Variants in P4HA1 observed in about 807,000 individuals in gnomAD.
P4HA1 encodes prolyl 4-hydroxylase subunit alpha-1.
In P4HA1, 24 loss-of-function variants were observed where a neutral mutation model predicts 72.8. The observed-to-expected ratio is 0.33, with a 90% CI of 0.24 to 0.46. P4HA1 has a LOEUF of 0.46. Ranked by LOEUF, P4HA1 falls within the 20% of genes least tolerant of loss-of-function variation. The probability of loss-of-function intolerance (pLI) is 1.00; values close to 1 mark genes in which losing one functional copy is unlikely to be tolerated. For synonymous variants in P4HA1, 201 were observed against 218.8 expected (o/e 0.92, Z 0.72); for missense variants, 446 against 640.6 (o/e 0.70, Z 3.28).
chr10:73,086,502 A>G (rs1841925516), intron 1 of P4HA1, among the ~76,000 whole-genome samples: 2 of 152,214 alleles, frequency 1.3e-5, no homozygotes, highest in African/African-American at 4.8e-5. Flanking sequence ...TTCTTTTTGG[A>G]GTGATATAAA....
chr10:73,010,075 T>C (rs1212016393), intron 13 of P4HA1, among the ~76,000 whole-genome samples, 172 bp from the exon 14 acceptor site: 2 of 152,024 alleles, frequency 1.3e-5, no homozygotes, highest in Non-Finnish European at 2.9e-5. Flanking sequence ...TTGAAGTGAT[T>C]CTCCTGCCTC....
At chr10:73,055,452 C>A (rs1214072129) in intron 5 of P4HA1, among the ~76,000 whole-genome samples, 1 of 152,362 alleles carries the variant, frequency 6.6e-6, no homozygotes, top group Admixed American at 6.5e-5. Flanking sequence ...GATCCACCCA[C>A]TTCAGCCTCC....
intron 7 of P4HA1, among the ~76,000 whole-genome samples, chr10:73,048,884 C>T (rs1393607964): frequency 6.6e-6 from 1 of 152,104 alleles, no homozygotes. Context: ...CCTGTAATCC[C>T]AGCACTTTGG....
chr10:73,019,054 C>T (rs2133042729), intron 10 of P4HA1, among the ~76,000 whole-genome samples: 1 of 152,214 alleles, frequency 6.6e-6, no homozygotes, highest in Admixed American at 6.5e-5. Context: ...AAGAAGACTC[C>T]CACTGGCTAA....
chr10:73,009,863 T>C lies in P4HA1; in HGVS notation c.1478A>G (p.Glu493Gly), dbSNP rs1013272414. Residue 493 changes from glutamate (E) to glycine (G), a missense_variant, in exon 14 of 15, where the codon GAA (glutamate) becomes GGA (glycine). Coordinates refer to ENST00000394890, the MANE Select transcript of P4HA1 (RefSeq NM_001017962.3). Reference sequence around the variant, plus strand: ...TGCATGCCGTGTACTATAATCTCCTTCTCCACTGGCAAACAGATTATACCA... The same window carrying C: ...TGCATGCCGTGTACTATAATCTCCTCCTCCACTGGCAAACAGATTATACCA... ...VFWYNLFASGEGDYSTRHAAC... is the reference protein window; with the variant it reads ...VFWYNLFASGGGDYSTRHAAC... The C allele has an allele frequency of 1.9e-6, 3 of 1,611,234 alleles. No homozygotes were observed. The highest frequency in any genetic ancestry group is 8.5e-7 in the Non-Finnish European group (1 of 1,177,564).
At chr10:73,028,139 G>A (rs879931038) in intron 10 of P4HA1, among the ~76,000 whole-genome samples, 9 of 152,040 alleles carry the variant, frequency 5.9e-5, no homozygotes, top group Admixed American at 5.2e-4. Flanking sequence ...AGTCATGATA[G>A]GATTCAGTGT....
At position 73,024,190 on chromosome 10, in the gene P4HA1, T is replaced by A. The variant is rs192253136; in HGVS notation, c.1248+6081A>T. 2.4e-3 allele frequency among the ~76,000 whole-genome samples: 358 copies of A among 152,318 alleles called. 9 individuals are homozygous for A. Among genetic ancestry groups the A allele is most frequent in the Non-Finnish European group, 5.4e-4 (37 of 68,030 alleles). ...CCACCCCAAATCAACAGAATATACA[T>A]TCTTCTCAGCACCACATCACACTTA... On this transcript the variant is annotated intron_variant, in intron 10 of 14. Transcript: ENST00000394890.
intron 2 of P4HA1, 75 bp from the exon 3 acceptor site, chr10:73,073,902 T>A: frequency 3.9e-6 from 3 of 768,430 alleles, no homozygotes; most frequent in Non-Finnish European, 4.7e-6. Context: ...TGATTGAGAC[T>A]GTTTCATTCT....
At chr10:73,012,050 G>C (rs561446860) in intron 12 of P4HA1, among the ~76,000 whole-genome samples, 3 of 152,244 alleles carry the variant, frequency 2.0e-5, no homozygotes, top group African/African-American at 7.2e-5. Context: ...TCTGGGAATG[G>C]TATTTAAATA....
At chr10:73,065,931 T>C (rs898802254) in intron 5 of P4HA1, among the ~76,000 whole-genome samples, 2 of 152,102 alleles carry the variant, frequency 1.3e-5, no homozygotes, top group African/African-American at 2.4e-5. Context: ...CTGAAAATAT[T>C]AGGTTAAAAA....
At chr10:73,073,531 C>T (rs907284319) in intron 3 of P4HA1, among the ~76,000 whole-genome samples, 200 bp downstream of exon 3, 1 of 152,254 alleles carries the variant, frequency 6.6e-6, no homozygotes, top group South Asian at 2.1e-4. Flanking sequence ...GGTATCTATC[C>T]ATATTCTTAT....
At chr10:73,008,413 G>C (rs1839839202) in intron 14 of P4HA1, 121 bp from the exon 15 acceptor site, 4 of 629,808 alleles carry the variant, frequency 6.4e-6, no homozygotes, top group South Asian at 6.2e-5. Context: ...ACCAAAACCG[G>C]ATAAAGGCAG....
At chr10:73,040,364 GATTT>G (rs1840702998) in intron 9 of P4HA1, among the ~76,000 whole-genome samples, 1 of 150,908 alleles carries the variant, frequency 6.6e-6, no homozygotes, top group South Asian at 2.1e-4. Context: ...GATTTATTTT[GATTT>G]ATTGGCAACA....
intron 10 of P4HA1, among the ~76,000 whole-genome samples, chr10:73,019,730 G>GAAAAAAAAAAAA (rs3066045): frequency 0.012 from 750 of 65,198 alleles, 200 homozygotes; most frequent in African/African-American, 0.061. Context: ...CTCTGTCTCA[G>GAAAAAAAAAAAA]AAAAAAAAAA....
chr10:73,093,471 T>C (rs986632103), intron 1 of P4HA1, among the ~76,000 whole-genome samples: 4 of 152,062 alleles, frequency 2.6e-5, no homozygotes, highest in African/African-American at 7.2e-5. Flanking sequence ...ACAATACTTA[T>C]TCAACTAGAG....
chr10:73,008,034 A>T lies in P4HA1; in HGVS notation c.*188T>A. 3.0e-6 allele frequency: 1 copy of T among 335,946 alleles called. No individual in the cohort carries two copies. The highest frequency in any genetic ancestry group is 5.1e-6 in the Non-Finnish European group (1 of 197,768). The allele number at this position is 335,946 out of a possible 1,614,324, so 20.8% of individuals were successfully genotyped here. ...CTTTAAGGTTTTATGCAATATGATG[A>T]TTTCGTGTTACTTTTAAAAGAACCC... On this transcript the variant is annotated 3_prime_UTR_variant, in exon 15 of 15. Coordinates refer to ENST00000394890, the MANE Select transcript of P4HA1 (RefSeq NM_001017962.3).
chr10:73,052,077 A>G (rs1295960460), intron 6 of P4HA1, among the ~76,000 whole-genome samples: 1 of 152,176 alleles, frequency 6.6e-6, no homozygotes, highest in African/African-American at 2.4e-5. Context: ...AAGGGAAACT[A>G]AAGATATAAT....
At chr10:73,016,269 T>A (rs1840005897) in intron 11 of P4HA1, among the ~76,000 whole-genome samples, 1 of 152,120 alleles carries the variant, frequency 6.6e-6, no homozygotes, top group African/African-American at 2.4e-5. Flanking sequence ...TTCCCTTACC[T>A]CTTAGTAATT....
At chr10:73,063,239 T>C (rs946442001) in intron 5 of P4HA1, among the ~76,000 whole-genome samples, 1 of 152,184 alleles carries the variant, frequency 6.6e-6, no homozygotes, top group Non-Finnish European at 1.5e-5. Flanking sequence ...GCGGGTTCAA[T>C]TGTCTAGTGA....
Sources: gnomAD v4.1 joint callset for allele counts (sites outside exome capture counted in the v4.1 genomes callset) on GRCh38, gnomAD v4.1.1 for gene constraint, MANE v1.5 for transcripts, NCBI Gene and HGNC (gene_info 2026-07-23, HGNC 2026-07-21) for gene names.